Variants in TTC39B observed in about 807,000 individuals in gnomAD.
TTC39B encodes the protein tetratricopeptide repeat protein 39B.
Under a neutral mutation model 96.6 loss-of-function variants are expected in TTC39B, and 92 were observed. The observed-to-expected ratio is 0.95, with a 90% CI of 0.80 to 1.13. The LOEUF (loss-of-function observed/expected upper bound fraction) is 1.13, where lower values mean the gene tolerates loss of function less well. Ranked by LOEUF, TTC39B falls within the 50% of genes most tolerant of loss-of-function variation. The pLI is 0.00. For synonymous variants in TTC39B, 367 were observed against 299.4 expected, an observed-to-expected ratio of 1.23 and a Z score of -2.33; for missense variants, 955 against 809.3, an observed-to-expected ratio of 1.18 and a Z score of -2.18.
chr9:15,307,020 C>G (rs1824773879), intron 1 of TTC39B, 64 bp downstream of exon 1: 1 of 1,575,872 alleles, frequency 6.3e-7, no homozygotes, highest in South Asian at 1.2e-5. Flanking sequence ...CGGGCTCACT[C>G]TTCTCTCCCG....
chr9:15,282,417 G>C (rs10961954), intron 1 of TTC39B, among the ~76,000 whole-genome samples: 1 of 152,094 alleles, frequency 6.6e-6, no homozygotes, highest in African/African-American at 2.4e-5. Flanking sequence ...AGTTGTACTG[G>C]GGATTAAATG....
intron 2 of TTC39B, 96 bp downstream of exon 2, chr9:15,267,818 G>A (rs753405519): frequency 3.3e-5 from 37 of 1,111,638 alleles, no homozygotes; most frequent in Middle Eastern, 2.7e-4. Flanking sequence ...AGCCATTGCC[G>A]TACTCTCCAA....
In TTC39B at chr9:15,172,202, A is replaced by G. The variant is rs543871268; in HGVS notation, c.1959-93T>C. 6 of 833,798 alleles carry G rather than the reference A, an allele frequency of 7.2e-6. No homozygotes were observed. The African/African-American group carries it at 8.5e-5, about 12-fold the overall frequency. 51.6% of individuals were successfully genotyped at this position (833,798 alleles called of 1,614,324 possible). ...ATTCCTCTCTCTGATCTACTTACTT[A>G]CTTTCAAACTCTAATATACATAACC... On this transcript the variant is annotated intron_variant, in intron 19 of 19. Transcript: ENST00000512701.
At chr9:15,191,143 A>G in intron 10 of TTC39B, 47 bp downstream of exon 10, 5 of 1,365,518 alleles carry the variant, frequency 3.7e-6, no homozygotes, top group Non-Finnish European at 5.2e-6. Flanking sequence ...TTCAATAAAT[A>G]CTGTCTTATC....
intron 3 of TTC39B, among the ~76,000 whole-genome samples, chr9:15,216,931 G>C (rs13301320): frequency 0.087 from 13,173 of 152,200 alleles, 706 homozygotes; most frequent in Non-Finnish European, 0.13. Flanking sequence ...AGAGAACCTA[G>C]TTTTGGTGGG....
At chr9:15,303,083 G>T (rs77158550) in intron 1 of TTC39B, among the ~76,000 whole-genome samples, 1 of 151,648 alleles carries the variant, frequency 6.6e-6, no homozygotes, top group African/African-American at 2.4e-5. Context: ...CAGCAGAATC[G>T]CTTGAACCCA....
At chr9:15,183,772 C>T (rs993164510) in intron 16 of TTC39B, among the ~76,000 whole-genome samples, 4 of 152,172 alleles carry the variant, frequency 2.6e-5, no homozygotes, top group Admixed American at 6.5e-5. Flanking sequence ...CTCATGTGAG[C>T]TGGGAGAGGG....
chr9:15,261,839 C>G (rs1822958167), intron 2 of TTC39B, among the ~76,000 whole-genome samples: 1 of 152,090 alleles, frequency 6.6e-6, no homozygotes, highest in African/African-American at 2.4e-5. Flanking sequence ...TTTATTATAC[C>G]CACCACTACA....
At chr9:15,249,913 C>G in intron 2 of TTC39B, 1 of 1,263,928 alleles carries the variant, frequency 7.9e-7, no homozygotes, top group South Asian at 1.3e-5. Flanking sequence ...ATATGACATA[C>G]TCACAGATTT....
chr9:15,214,987 A>T (rs1360970362), intron 3 of TTC39B, among the ~76,000 whole-genome samples: 1 of 152,214 alleles, frequency 6.6e-6, no homozygotes, highest in Non-Finnish European at 1.5e-5. Flanking sequence ...ACCAGCACGC[A>T]TGTTTGGCTC....
At chr9:15,267,995 G>C in intron 1 of TTC39B, 47 bp from the exon 2 acceptor site, 2 of 1,559,250 alleles carry the variant, frequency 1.3e-6, no homozygotes, top group South Asian at 2.3e-5. Flanking sequence ...ATTCTCAATG[G>C]GTTTCTCAAG....
At chr9:15,251,968 C>A (rs1329390431) in intron 2 of TTC39B, among the ~76,000 whole-genome samples, 2 of 151,820 alleles carry the variant, frequency 1.3e-5, no homozygotes, top group Non-Finnish European at 2.9e-5. Context: ...CCCACAAGGT[C>A]CCTGCTCCCC....
intron 1 of TTC39B, among the ~76,000 whole-genome samples, chr9:15,277,760 T>C (rs1021380437): frequency 9.9e-5 from 15 of 152,180 alleles, no homozygotes; most frequent in African/African-American, 3.1e-4. Context: ...CCATCACAAA[T>C]TCTAAAATGT....
exon 20 of TTC39B, chr9:15,170,837 G>C (rs901851542): frequency 2.0e-5 from 3 of 152,206 alleles, no homozygotes; most frequent in African/African-American, 4.8e-5. Context: ...AACACTCCAA[G>C]TGGGAATGGT....
At chr9:15,204,255 G>A (rs547581464) in intron 6 of TTC39B, among the ~76,000 whole-genome samples, 6 of 152,228 alleles carry the variant, frequency 3.9e-5, no homozygotes, top group South Asian at 2.1e-4. Flanking sequence ...TTGGCTGTGC[G>A]TGGTGGTTTA....
chr9:15,213,215 A>G (rs1820308583), intron 4 of TTC39B, among the ~76,000 whole-genome samples: 1 of 152,154 alleles, frequency 6.6e-6, no homozygotes, highest in African/African-American at 2.4e-5. Flanking sequence ...GAGACAGGAG[A>G]CAAAGAAGTC....
At chr9:15,191,334 T>G in intron 9 of TTC39B, 79 bp from the exon 10 acceptor site, 1 of 946,150 alleles carries the variant, frequency 1.1e-6, no homozygotes, top group Middle Eastern at 2.8e-4. Flanking sequence ...AACTTACAGT[T>G]TTAATGCTTC....
At chr9:15,242,924 T>A (rs1822109450) in intron 2 of TTC39B, among the ~76,000 whole-genome samples, 2 of 152,178 alleles carry the variant, frequency 1.3e-5, no homozygotes, top group Non-Finnish European at 2.9e-5. Context: ...GAGACAGCGA[T>A]TAAATGTGAG....
intron 2 of TTC39B, among the ~76,000 whole-genome samples, chr9:15,228,678 C>A (rs546437343): frequency 6.6e-6 from 1 of 152,254 alleles, no homozygotes; most frequent in South Asian, 2.1e-4. Flanking sequence ...TAAGTTTCCC[C>A]CTCCCACTCC....
Sources: gnomAD v4.1 joint callset for allele counts (sites outside exome capture counted in the v4.1 genomes callset) on GRCh38, gnomAD v4.1.1 for gene constraint, MANE v1.5 for transcripts, NCBI Gene and HGNC (gene_info 2026-07-23, HGNC 2026-07-21) for gene names.